The following DLK1 variants were observed in gnomAD, a reference collection of about 807,000 sequenced individuals.
DLK1 encodes the protein protein delta homolog 1.
Under a neutral mutation model 35.2 loss-of-function variants are expected in DLK1, and 9 were observed. The ratio of observed to expected loss-of-function variants is 0.26; its 90% CI spans 0.15 to 0.45. DLK1 has a LOEUF of 0.45. Ranked by LOEUF, DLK1 falls within the 20% of genes least tolerant of loss-of-function variation. DLK1 has a pLI of 1.00. For missense variants in DLK1, 522 were observed against 528.5 expected, an observed-to-expected ratio of 0.99 and a Z score of 0.12; for synonymous variants, 231 against 228.4, an observed-to-expected ratio of 1.01 and a Z score of -0.10.
chr14:100,735,013 G>T lies in DLK1; in HGVS notation c.*117G>T. The T allele has an allele frequency of 7.3e-7, 1 of 1,375,078 alleles. No homozygotes were observed. The highest frequency in any genetic ancestry group is 1.5e-5 in the South Asian group (1 of 67,574). The allele number at this position is 1,375,078 out of a possible 1,614,324, so 85.2% of individuals were successfully genotyped here. A position where few individuals can be genotyped will look rare whatever the true frequency, so the allele number is the denominator to read the frequency against. On this transcript the variant is annotated 3_prime_UTR_variant, in exon 5 of 5. Coordinates refer to ENST00000341267, the MANE Select transcript of DLK1 (RefSeq NM_003836.7). ...TTGTGTCAAATCTGGTGAACGCTACGCTTACATATATTGTCTTTGTGCTGC... is the reference window on the plus strand; with the variant it reads ...TTGTGTCAAATCTGGTGAACGCTACTCTTACATATATTGTCTTTGTGCTGC...
chr14:100,727,328 G>T (rs1487895879), intron 1 of DLK1, among the ~76,000 whole-genome samples, 193 bp downstream of exon 1: 2 of 152,204 alleles, frequency 1.3e-5, no homozygotes, highest in Non-Finnish European at 2.9e-5. Context: ...AGGGGTCCCA[G>T]GGCGCAGGGG....
rs1595210484 is a variant in DLK1 at position 100,734,812 on chromosome 14, G to A, written c.1068G>A (p.Gly356=). 2 of 1,613,738 alleles carry A rather than the reference G, an allele frequency of 1.2e-6. No individual in the cohort carries two copies. The highest frequency in any genetic ancestry group is 1.1e-5 in the South Asian group (1 of 91,048). The change falls in exon 5 of 5, where the codon GGG becomes GGA. Residue 356 remains glycine, a synonymous_variant. Transcript: ENST00000341267. This position sits in a 1 kb window ranked among gnomAD's most constrained non-coding sequence, Gnocchi z 7.4. ...KKNLLLQYNS[G]EDLAVNIIFP... ...ACCTGCTGCTTCAGTACAACAGCGGGGAGGACCTGGCCGTCAACATCATCT... is the reference window on the plus strand; with the variant it reads ...ACCTGCTGCTTCAGTACAACAGCGGAGAGGACCTGGCCGTCAACATCATCT...
chr14:100,735,894 A>G lies in DLK1; in HGVS notation c.*998A>G, dbSNP rs1016380633. 2 of 109,692 alleles carry G rather than the reference A, an allele frequency of 1.8e-5. No homozygotes were observed. Among genetic ancestry groups the G allele is most frequent in the African/African-American group, 7.1e-5 (2 of 28,006 alleles). 6.8% of individuals were successfully genotyped at this position (109,692 alleles called of 1,614,324 possible). A position where few individuals can be genotyped will look rare whatever the true frequency, so the allele number is the denominator to read the frequency against. On this transcript the variant is annotated 3_prime_UTR_variant, in exon 5 of 5. Transcript: ENST00000341267. ...CCCCTCTTTGCCCACCCAGAACCCC[A>G]ACACTATACCTGCCTCTACCCTATA...
intron 3 of DLK1, among the ~76,000 whole-genome samples, chr14:100,731,810 C>T (rs2036510034): frequency 6.6e-6 from 1 of 152,180 alleles, no homozygotes; most frequent in African/African-American, 2.4e-5. Context: ...CTATCCTGGC[C>T]TGAATATCAG....
chr14:100,732,025 TC>T lies in DLK1; in HGVS notation c.263-13del. 6.2e-7 allele frequency: 1 copy of T among 1,603,064 alleles called. No homozygotes were observed. The highest frequency in any genetic ancestry group is 8.5e-7 in the Non-Finnish European group (1 of 1,173,876). ...TGGAGAGGAAGCTAAGTTCTCGTCT[TC>T]CCCGTCACCCCGCAGATGTTCGGGC... On this transcript the variant is annotated splice_polypyrimidine_tract_variant and intron_variant, in intron 3 of 4. Transcript: ENST00000341267.
intron 1 of DLK1, 67 bp downstream of exon 1, chr14:100,727,202 G>A: frequency 6.9e-7 from 1 of 1,452,334 alleles, no homozygotes; most frequent in Non-Finnish European, 9.2e-7. Context: ...CCGGCCGCCC[G>A]GTGCCCCGCA....
rs369393919 is a variant in DLK1, at chr14:100,734,110, G to C, written c.405-39G>C. On this transcript the variant is annotated intron_variant, in intron 4 of 4. Coordinates refer to ENST00000341267, the MANE Select transcript of DLK1 (RefSeq NM_003836.7). This position sits in a 1 kb window ranked among gnomAD's most constrained non-coding sequence, Gnocchi z 7.4. ...TGCCCTGCAGCGCTGTTGTAGCCTA[G>C]CCCCTGAGGCCGTTTACTATGTCCC... is the stretch of plus-strand genomic sequence containing the variant. 2.5e-5 allele frequency: 39 copies of C among 1,557,010 alleles called. No individual in the cohort carries two copies. In the African/African-American group the frequency reaches 5.3e-4, roughly 21 times the overall value.
In DLK1 at chr14:100,731,935, C is replaced by CAT. The variant is rs1409154539; in HGVS notation, c.263-106_263-105insTA. On this transcript the variant is annotated intron_variant, in intron 3 of 4. Transcript: ENST00000341267. ...GGGGGCTCCCTAAACCCTCTTACTCCAGACCCCACTCGGTGGCCATAGAGC... is the reference window on the plus strand; with the variant it reads ...GGGGGCTCCCTAAACCCTCTTACTCCATAGACCCCACTCGGTGGCCATAGAGC... 7.8e-6 allele frequency: 11 copies of CAT among 1,415,606 alleles called. No homozygotes were observed. In the Admixed American group the frequency reaches 2.1e-4, roughly 27 times the overall value. The allele number at this position is 1,415,606 out of a possible 1,614,324, so 87.7% of individuals were successfully genotyped here. A position where few individuals can be genotyped will look rare whatever the true frequency, so the allele number is the denominator to read the frequency against.
chr14:100,728,632 G>C, intron 2 of DLK1, 173 bp downstream of exon 2: 1 of 259,080 alleles, frequency 3.9e-6, no homozygotes, highest in South Asian at 4.3e-5. Flanking sequence ...GGCGGGGGGG[G>C]GGCAGCCACA....
chr14:100,734,933 TC>T lies in DLK1; in HGVS notation c.*39del. 6.5e-7 allele frequency: 1 copy of T among 1,531,894 alleles called. No individual in the cohort carries two copies. Among genetic ancestry groups the T allele is most frequent in the Non-Finnish European group, 8.7e-7 (1 of 1,146,082 alleles). 94.9% of individuals were successfully genotyped at this position (1,531,894 alleles called of 1,614,324 possible). On this transcript the variant is annotated 3_prime_UTR_variant, in exon 5 of 5. Coordinates refer to ENST00000341267, the MANE Select transcript of DLK1 (RefSeq NM_003836.7). This position sits in a 1 kb window ranked among gnomAD's most constrained non-coding sequence, Gnocchi z 7.4. ...ACAGCCCCCTCTAGATTCTTGGAGTTCCGCAGAGCTTACTATACGCGGTCTG... is the reference window on the plus strand; with the variant it reads ...ACAGCCCCCTCTAGATTCTTGGAGTTCGCAGAGCTTACTATACGCGGTCTG...
At position 100,734,077 on chromosome 14, in the gene DLK1, G is replaced by A; in HGVS notation, c.405-72G>A. 1 of 1,511,130 alleles carries A rather than the reference G, an allele frequency of 6.6e-7. No individual in the cohort carries two copies. Among genetic ancestry groups the A allele is most frequent in the Non-Finnish European group, 8.8e-7 (1 of 1,132,748 alleles). 93.6% of individuals were successfully genotyped at this position (1,511,130 alleles called of 1,614,324 possible). On this transcript the variant is annotated intron_variant, in intron 4 of 4. Transcript: ENST00000341267. The surrounding 1 kb of genome is among the most constrained non-coding windows in gnomAD (Gnocchi z 7.4). ...AGTCAGGCCAGGGACCTTCTGCCCT[G>A]AGCCCCGTGCCCTGCAGCGCTGTTG... is the stretch of plus-strand genomic sequence containing the variant.
At chr14:100,728,627 G>GT (rs1195718726) in intron 2 of DLK1, 168 bp downstream of exon 2, 1 of 257,340 alleles carries the variant, frequency 3.9e-6, no homozygotes. Flanking sequence ...GGGGGGGCGG[G>GT]GGGGGGGCAG....
rs537034588 is a variant in DLK1, at chr14:100,727,943, C to T, written c.68-453C>T. Reference sequence around the variant, plus strand: ...AAAGAATGCAGACGCCTTACTGGGGCGCCCACCAGGTGAACCTGTCTGGGC... The same window carrying T: ...AAAGAATGCAGACGCCTTACTGGGGTGCCCACCAGGTGAACCTGTCTGGGC... On this transcript the variant is annotated intron_variant, in intron 1 of 4. Coordinates refer to ENST00000341267, the MANE Select transcript of DLK1 (RefSeq NM_003836.7). 4.6e-5 allele frequency among the ~76,000 whole-genome samples: 7 copies of T among 152,226 alleles called. No individual in the cohort carries two copies. The East Asian group carries it at 7.7e-4, about 17-fold the overall frequency.
In DLK1 at chr14:100,731,957, G is replaced by GCCC. The variant is rs1375330535; in HGVS notation, c.263-85_263-84insCCC. On this transcript the variant is annotated intron_variant, in intron 3 of 4. Coordinates refer to ENST00000341267, the MANE Select transcript of DLK1 (RefSeq NM_003836.7). The stretch of plus-strand genomic sequence containing the variant: ...CTCCAGACCCCACTCGGTGGCCATA[G>GCCC]AGCCATTTTAAAGCCCACTGGGGCC... The GCCC allele has an allele frequency of 7.4e-6, 11 of 1,493,284 alleles. No individual in the cohort carries two copies. The Admixed American group carries it at 2.0e-4, about 28-fold the overall frequency. 92.5% of individuals were successfully genotyped at this position (1,493,284 alleles called of 1,614,324 possible).
Position 100,727,256 on chromosome 14 carries a change from C to T in DLK1, c.67+121C>T, listed in dbSNP as rs1567019971. On this transcript the variant is annotated intron_variant, in intron 1 of 4. Transcript: ENST00000341267. ...CCAACTCCGCCCGTCCCGCCTAGCCCTAAGCCCCGCGCTGTGCCTGTCTCG... is the reference window on the plus strand; with the variant it reads ...CCAACTCCGCCCGTCCCGCCTAGCCTTAAGCCCCGCGCTGTGCCTGTCTCG... The T allele has an allele frequency of 7.6e-6, 8 of 1,051,954 alleles. No homozygotes were observed. The East Asian group carries it at 2.2e-4, about 29-fold the overall frequency. 65.2% of individuals were successfully genotyped at this position (1,051,954 alleles called of 1,614,324 possible).
chr14:100,732,889 G>A (rs944490495), intron 4 of DLK1, among the ~76,000 whole-genome samples: 7 of 152,238 alleles, frequency 4.6e-5, no homozygotes, highest in Non-Finnish European at 1.0e-4. Context: ...TCTTGACAGA[G>A]GCAGGGTCCG....
chr14:100,732,127 C>A lies in DLK1; in HGVS notation c.348C>A (p.Ala116=), dbSNP rs539630252. 1 of 1,614,168 alleles carries A rather than the reference C, an allele frequency of 6.2e-7. No individual in the cohort carries two copies. Among genetic ancestry groups the A allele is most frequent in the South Asian group, 1.1e-5 (1 of 91,066 alleles). ...ATGGCCTCTATGAATGCTCCTGTGC[C>A]CCCGGGTACTCGGGAAAGGACTGCC... ...LDDGLYECSC[A]PGYSGKDCQK... Residue 116 remains alanine (A), a synonymous_variant, in exon 4 of 5, where the codon GCC becomes GCA. Coordinates refer to ENST00000341267, the MANE Select transcript of DLK1 (RefSeq NM_003836.7).
intron 3 of DLK1, 187 bp downstream of exon 3, chr14:100,729,253 G>A (rs1337706909): frequency 9.5e-7 from 1 of 1,052,760 alleles, no homozygotes; most frequent in Non-Finnish European, 1.4e-6. Flanking sequence ...CAGAGGTAGG[G>A]ACTTTATTTT....
chr14:100,733,792 G>A (rs1283041861), intron 4 of DLK1, among the ~76,000 whole-genome samples: 3 of 152,168 alleles, frequency 2.0e-5, no homozygotes, highest in Non-Finnish European at 4.4e-5. Context: ...GTGACTAACC[G>A]GTTGGAGACT....
Sources: gnomAD v4.1 joint callset for allele counts (sites outside exome capture counted in the v4.1 genomes callset) on GRCh38, gnomAD v4.1.1 for gene constraint, Gnocchi (gnomAD v3.1) non-coding constraint, MANE v1.5 for transcripts, NCBI Gene and HGNC (gene_info 2026-07-23, HGNC 2026-07-21) for gene names.